Variants in PCDHA12 observed in about 807,000 individuals in gnomAD.
The protein encoded by PCDHA12 is protocadherin alpha-12.
Under a neutral mutation model 60.0 loss-of-function variants are expected in PCDHA12, and 44 were observed. The ratio of observed to expected loss-of-function variants is 0.73; its 90% CI spans 0.58 to 0.94. PCDHA12 has a LOEUF of 0.94. Ranked by LOEUF, PCDHA12 falls within the 40% of genes least tolerant of loss-of-function variation. PCDHA12 has a pLI of 0.00. For synonymous variants in PCDHA12, 569 were observed against 553.0 expected, an observed-to-expected ratio of 1.03 and a Z score of -0.40; for missense variants, 1,276 against 1,239.7, an observed-to-expected ratio of 1.03 and a Z score of -0.44.
chr5:140,973,199 G>A (rs574187280), intron 1 of PCDHA12, among the ~76,000 whole-genome samples: 3 of 152,296 alleles, frequency 2.0e-5, no homozygotes, highest in East Asian at 3.9e-4. Context: ...CACTATGTGT[G>A]CATATTCACC....
chr5:141,003,273 G>A (rs782391603), intron 3 of PCDHA12, among the ~76,000 whole-genome samples: 5 of 152,214 alleles, frequency 3.3e-5, no homozygotes, highest in Admixed American at 6.5e-5. Context: ...TAAGGGAAGT[G>A]CCCAAATTGG....
rs781891057 is a variant in PCDHA12, at chr5:140,877,139, T to C, written c.1667T>C (p.Leu556Pro). The C allele has an allele frequency of 8.7e-6, 14 of 1,613,764 alleles. No homozygotes were observed. Among genetic ancestry groups the C allele is most frequent in the Admixed American group, 1.7e-5 (1 of 60,010 alleles). ...GSNVTLQVFV[L>P]DENDNAPALL... ...AACGTGACGCTGCAGGTGTTCGTGCTGGACGAGAACGACAACGCGCCGGCA... is the reference window on the plus strand; with the variant it reads ...AACGTGACGCTGCAGGTGTTCGTGCCGGACGAGAACGACAACGCGCCGGCA... Residue 556 changes from leucine to proline, a missense_variant, in exon 1 of 4, where the codon CTG becomes CCG. Leu to Pro is a moderately conservative substitution (Grantham distance 98). Coordinates refer to ENST00000398631, the MANE Select transcript of PCDHA12 (RefSeq NM_018903.4).
intron 1 of PCDHA12, among the ~76,000 whole-genome samples, chr5:140,893,276 G>A (rs1554185570): frequency 6.6e-6 from 1 of 152,164 alleles, no homozygotes; most frequent in African/African-American, 2.4e-5. Context: ...TAGTGGAATT[G>A]CTGGATGATA....
Position 140,875,597 on chromosome 5 carries a change from G to T in PCDHA12, c.125G>T (p.Gly42Val). 1 of 1,613,960 alleles carries T rather than the reference G, an allele frequency of 6.2e-7. No individual in the cohort carries two copies. Among genetic ancestry groups the T allele is most frequent in the African/African-American group, 1.3e-5 (1 of 75,062 alleles). ...HYSVYEEAKH[G>V]TFVGRIAQDL... is the part of the protein sequence containing the mutation. ...TCCGTCTACGAGGAGGCCAAACACG[G>T]CACCTTCGTGGGCCGCATCGCTCAG... The change falls in exon 1 of 4, where the codon GGC becomes GTC. Residue 42 changes from glycine (G) to valine (V), a missense_variant. Gly to Val is a moderately radical substitution (Grantham distance 109, BLOSUM62 -3). Transcript: ENST00000398631.
Position 140,883,404 on chromosome 5 carries a change from C to G in PCDHA12, c.2367+5565C>G, listed in dbSNP as rs199942713. On this transcript the variant is annotated intron_variant, in intron 1 of 3. Transcript: ENST00000398631. ...CTAATCAGTGTGTCCGATCGTGACT[C>G]TGGCTCAAATGGACAGGTCACCTGC... 3 of 1,614,104 alleles carry G rather than the reference C, an allele frequency of 1.9e-6. No homozygotes were observed. The African/African-American group carries it at 4.0e-5, about 22-fold the overall frequency.
intron 1 of PCDHA12, among the ~76,000 whole-genome samples, chr5:140,896,499 A>G (rs1029698205): frequency 6.6e-6 from 1 of 150,502 alleles, no homozygotes; most frequent in African/African-American, 2.4e-5. Flanking sequence ...AGTAGCTGGG[A>G]CTGTGCAGGC....
intron 1 of PCDHA12, among the ~76,000 whole-genome samples, chr5:140,978,306 A>C (rs2096795659): frequency 6.6e-6 from 1 of 152,230 alleles, no homozygotes; most frequent in Non-Finnish European, 1.5e-5. Flanking sequence ...GCACTCAGGA[A>C]GGAGCAGGAA....
chr5:140,937,288 C>T (rs1473599964), intron 1 of PCDHA12, among the ~76,000 whole-genome samples: 1 of 152,072 alleles, frequency 6.6e-6, no homozygotes, highest in African/African-American at 2.4e-5. Context: ...TCACCCGCTT[C>T]GGCCTCCCAA....
chr5:140,899,607 TC>T (rs1301087468), intron 1 of PCDHA12, among the ~76,000 whole-genome samples: 11 of 152,322 alleles, frequency 7.2e-5, no homozygotes, highest in African/African-American at 2.6e-4. Flanking sequence ...GACTTTTGCA[TC>T]AATGTTCATC....
intron 1 of PCDHA12, chr5:140,883,965 T>A (rs781999874): frequency 1.9e-6 from 3 of 1,613,128 alleles, no homozygotes; most frequent in Non-Finnish European, 2.5e-6. Context: ...CCGGCGCTGC[T>A]GACGCCCGGG....
chr5:140,881,538 C>CT lies in PCDHA12; in HGVS notation c.2367+3702dup, dbSNP rs1216394306. ...AAATCCCACACATATTGACTGAACA[C>CT]TTTCTTTTGAATATAAATATCTTAT... On this transcript the variant is annotated intron_variant, in intron 1 of 3. Transcript: ENST00000398631. Among the ~76,000 whole-genome samples, 3 of 152,196 alleles carry CT rather than the reference C, an allele frequency of 2.0e-5. No homozygotes were observed. In the East Asian group the frequency reaches 5.8e-4, roughly 29 times the overall value.
chr5:140,955,078 G>T lies in PCDHA12; in HGVS notation c.2368-23871G>T, dbSNP rs192023775. On this transcript the variant is annotated intron_variant, in intron 1 of 3. Transcript: ENST00000398631. ...TTGTCAGGTTTGTTGAAGATCAGAT[G>T]GTTGTAGGTGTGTGGTGTTATTTCT... Among the ~76,000 whole-genome samples, 36 of 152,228 alleles carry T rather than the reference G, an allele frequency of 2.4e-4. No homozygotes were observed. In the East Asian group the frequency reaches 6.6e-3, roughly 28 times the overall value.
At chr5:140,978,713 A>G (rs2096819329) in intron 1 of PCDHA12, among the ~76,000 whole-genome samples, 1 of 152,272 alleles carries the variant, frequency 6.6e-6, no homozygotes, top group Admixed American at 6.5e-5. Flanking sequence ...GGCCTTTACA[A>G]GATTATTAAA....
chr5:141,001,936 C>A (rs1440677153), intron 3 of PCDHA12, among the ~76,000 whole-genome samples: 3 of 151,788 alleles, frequency 2.0e-5, no homozygotes, highest in Non-Finnish European at 2.9e-5. Context: ...GGGTGGTGAG[C>A]GGAAATAAGG....
chr5:141,008,072 T>G (rs1419103459), intron 3 of PCDHA12, among the ~76,000 whole-genome samples: 3 of 152,154 alleles, frequency 2.0e-5, no homozygotes, highest in African/African-American at 7.2e-5. Context: ...TAAGAACTTA[T>G]TGGGGTTATT....
At chr5:140,962,438 G>A (rs1375451859) in intron 1 of PCDHA12, among the ~76,000 whole-genome samples, 3 of 152,108 alleles carry the variant, frequency 2.0e-5, no homozygotes, top group Non-Finnish European at 2.9e-5. Context: ...CTTATCCAAA[G>A]ATGGCTTGAA....
chr5:140,952,266 G>T (rs2094712993), intron 1 of PCDHA12, among the ~76,000 whole-genome samples: 1 of 151,598 alleles, frequency 6.6e-6, no homozygotes, highest in South Asian at 2.1e-4. Context: ...CCATTCTGGG[G>T]TCTTGAGGGT....
chr5:140,965,029 A>G (rs1252337885), intron 1 of PCDHA12, among the ~76,000 whole-genome samples: 2 of 152,178 alleles, frequency 1.3e-5, no homozygotes, highest in Non-Finnish European at 2.9e-5. Context: ...GGCTCCTTTA[A>G]CTGTCCGCTC....
intron 1 of PCDHA12, among the ~76,000 whole-genome samples, chr5:140,941,191 T>TTTTTTCTTTC (rs1554213809): frequency 1.1e-5 from 1 of 93,206 alleles, no homozygotes; most frequent in Non-Finnish European, 2.3e-5. Flanking sequence ...GCTTCTTTTT[T>TTTTTTCTTTC]TTTCTTTCTT....
Sources: gnomAD v4.1 joint callset for allele counts (sites outside exome capture counted in the v4.1 genomes callset) on GRCh38, gnomAD v4.1.1 for gene constraint, MANE v1.5 for transcripts, NCBI Gene and HGNC (gene_info 2026-07-23, HGNC 2026-07-21) for gene names.